RAG1: variants seen among roughly 807,000 people sequenced by gnomAD.
The protein encoded by RAG1 is V(D)J recombination-activating protein 1.
A neutral mutation model predicts 62.7 loss-of-function variants in RAG1; 35 were observed. The observed-to-expected ratio is 0.56, with a 90% CI of 0.43 to 0.74. The LOEUF is 0.74. Among genes scored for constraint, RAG1 ranks in the 30% least tolerant of loss-of-function variants. The probability of loss-of-function intolerance (pLI) is 0.00; values close to 1 mark genes in which losing one functional copy is unlikely to be tolerated. For synonymous variants in RAG1, 461 were observed against 470.3 expected, an observed-to-expected ratio of 0.98 and a Z score of 0.26; for missense variants, 1,169 against 1,278.6, an observed-to-expected ratio of 0.91 and a Z score of 1.31.
chr11:36,557,577 C>A (rs545836842), intron 3 of RAG1, among the ~76,000 whole-genome samples: 1 of 152,018 alleles, frequency 6.6e-6, no homozygotes, highest in African/African-American at 2.4e-5. Context: ...TCTTCTGCGT[C>A]GCTCACGCTG....
At chr11:36,568,986 GATA>G (rs1408886535) in intron 1 of RAG1, among the ~76,000 whole-genome samples, 1 of 152,190 alleles carries the variant, frequency 6.6e-6, no homozygotes, top group Non-Finnish European at 1.5e-5. Flanking sequence ...GAACAGGTGT[GATA>G]ATGAGAGGTC....
rs1850836020 is a variant in RAG1 at position 36,575,729 on chromosome 11, A to G, written c.2425A>G (p.Lys809Glu). ...CATTGGCAATGCAGCTGAGTTCTAC[A>G]AGATCTTCCAGCTAGAGATAGGGGA... ...CDIGNAAEFY[K>E]IFQLEIGEVY... Residue 809 changes from lysine (K) to glutamate (E), a missense_variant, in exon 2 of 2, where the codon AAG becomes GAG. Coordinates refer to ENST00000299440, the MANE Select transcript of RAG1 (RefSeq NM_000448.3). This position sits in a 1 kb window ranked among gnomAD's most constrained non-coding sequence, Gnocchi z 4.1. The G allele has an allele frequency of 6.2e-7, 1 of 1,614,208 alleles. No individual in the cohort carries two copies. Among genetic ancestry groups the G allele is most frequent in the Non-Finnish European group, 8.5e-7 (1 of 1,180,028 alleles).
intron 2 of RAG1, among the ~76,000 whole-genome samples, chr11:36,529,019 A>C (rs1488378910): frequency 6.6e-6 from 1 of 152,078 alleles, no homozygotes; most frequent in Non-Finnish European, 1.5e-5. Context: ...TCAACCAAAA[A>C]AGTCCAGGAC....
chr11:36,575,616 C>G lies in RAG1; in HGVS notation c.2312C>G (p.Ser771Cys). The G allele has an allele frequency of 6.2e-7, 1 of 1,614,218 alleles. No homozygotes were observed. The highest frequency in any genetic ancestry group is 2.2e-5 in the East Asian group (1 of 44,882). ...TGGCGTTCCAACCCTTACCATGAGT[C>G]TGTGGAAGAACTGCGGGATCGGGTG... ...EVWRSNPYHE[S>C]VEELRDRVKG... is the part of the protein sequence containing the mutation. Residue 771 changes from serine to cysteine, a missense_variant, in exon 2 of 2, where the codon TCT becomes TGT. By Grantham distance (112) the Ser-to-Cys change is moderately radical. This residue lies in a region of RAG1 where 800 missense variants were observed against 943.3 expected (regional missense o/e 0.85). Coordinates refer to ENST00000299440, the MANE Select transcript of RAG1 (RefSeq NM_000448.3). This position sits in a 1 kb window ranked among gnomAD's most constrained non-coding sequence, Gnocchi z 4.1.
In RAG1 at chr11:36,575,003, G is replaced by T. The variant is rs755218369; in HGVS notation, c.1699G>T (p.Val567Leu). ...AKRFRYDSAL[V>L]SALMDMEEDI... is the part of the protein sequence containing the mutation. ...GAGGTTCCGCTATGATTCAGCTTTG[G>T]TGTCTGCTTTGATGGACATGGAAGA... is the stretch of plus-strand genomic sequence containing the variant. Residue 567 changes from valine (V) to leucine (L), a missense_variant, in exon 2 of 2, where the codon GTG becomes TTG. Transcript: ENST00000299440. This position sits in a 1 kb window ranked among gnomAD's most constrained non-coding sequence, Gnocchi z 4.1. 6.2e-7 allele frequency: 1 copy of T among 1,614,114 alleles called. No homozygotes were observed. Among genetic ancestry groups the T allele is most frequent in the Admixed American group, 1.7e-5 (1 of 60,006 alleles).
chr11:36,522,952 C>G (rs914738633), intron 2 of RAG1, among the ~76,000 whole-genome samples: 13 of 152,230 alleles, frequency 8.5e-5, no homozygotes, highest in Non-Finnish European at 1.3e-4. Context: ...TACCCAATGA[C>G]TGTACCCCCA....
At position 36,574,438 on chromosome 11, in the gene RAG1, TC is replaced by T; in HGVS notation, c.1135del (p.His379ThrfsTer24). Reference protein sequence around the residue: ...LEKYNHHISSHKESKEIFVHI... With the variant: ...LEKYNHHISSXKESKEIFVHI... ...AAAAATATAATCACCACATCTCAAG[TC>T]ACAAGGAATCAAAAGAGATTTTTGT... On this transcript the variant is annotated frameshift_variant, in exon 2 of 2. Coordinates refer to ENST00000299440, the MANE Select transcript of RAG1 (RefSeq NM_000448.3). LOFTEE classifies it high-confidence loss of function. 1 of 1,614,146 alleles carries T rather than the reference TC, an allele frequency of 6.2e-7. No individual in the cohort carries two copies. The highest frequency in any genetic ancestry group is 8.5e-7 in the Non-Finnish European group (1 of 1,180,022).
chr11:36,526,541 T>A (rs879158700), intron 2 of RAG1, among the ~76,000 whole-genome samples: 1 of 152,172 alleles, frequency 6.6e-6, no homozygotes, highest in Non-Finnish European at 1.5e-5. Context: ...ACAATAAACA[T>A]ACGTGTGCAT....
chr11:36,576,570 C>G lies in RAG1; in HGVS notation c.*134C>G, dbSNP rs1162575850. 2 of 1,034,178 alleles carry G rather than the reference C, an allele frequency of 1.9e-6. No individual in the cohort carries two copies. Among genetic ancestry groups the G allele is most frequent in the Admixed American group, 2.1e-5 (1 of 47,868 alleles). The allele number at this position is 1,034,178 out of a possible 1,614,324, so 64.1% of individuals were successfully genotyped here. A position where few individuals can be genotyped will look rare whatever the true frequency, so the allele number is the denominator to read the frequency against. On this transcript the variant is annotated 3_prime_UTR_variant, in exon 2 of 2. Transcript: ENST00000299440. ...AGAGGTGGTAGGTTGGAGTAAGATG[C>G]TACAGATGCTCTCAAGTCAGGAATA... is the stretch of plus-strand genomic sequence containing the variant.
At chr11:36,516,458 A>G (rs1278441770) in intron 1 of RAG1, among the ~76,000 whole-genome samples, 2 of 152,230 alleles carry the variant, frequency 1.3e-5, no homozygotes. Context: ...AGTAGCTGGG[A>G]CTACAGGCGC....
chr11:36,523,419 T>G (rs760492589), intron 2 of RAG1, among the ~76,000 whole-genome samples: 4 of 152,206 alleles, frequency 2.6e-5, no homozygotes, highest in Non-Finnish European at 1.5e-5. Flanking sequence ...ACCATGATCA[T>G]GAGGCCTCCC....
chr11:36,558,649 T>C (rs2133278312), intron 3 of RAG1, among the ~76,000 whole-genome samples: 1 of 152,344 alleles, frequency 6.6e-6, no homozygotes, highest in South Asian at 2.1e-4. Flanking sequence ...TTTTCATCTA[T>C]GTGTGTCTTT....
chr11:36,561,839 C>T (rs893792726), intron 3 of RAG1, among the ~76,000 whole-genome samples: 2 of 152,164 alleles, frequency 1.3e-5, no homozygotes, highest in African/African-American at 4.8e-5. Flanking sequence ...TTGTGTGAGC[C>T]AATTCCTCAT....
chr11:36,534,533 G>T (rs896759906), intron 2 of RAG1, among the ~76,000 whole-genome samples: 1 of 152,188 alleles, frequency 6.6e-6, no homozygotes, highest in Non-Finnish European at 1.5e-5. Flanking sequence ...TGCCATACTG[G>T]ATATTTTCCA....
At chr11:36,542,825 A>T (rs1850329154) in intron 3 of RAG1, among the ~76,000 whole-genome samples, 3 of 152,188 alleles carry the variant, frequency 2.0e-5, no homozygotes, top group South Asian at 4.1e-4. Context: ...TCACATAATT[A>T]TTGCTCTATA....
At chr11:36,538,890 G>C (rs1860372239), downstream of RAG1, among the ~76,000 whole-genome samples, 1 of 152,092 alleles carries the variant, frequency 6.6e-6, no homozygotes. Flanking sequence ...CCTGTCCATG[G>C]GGCTGTCCTG....
chr11:36,537,550 CCTTAT>C (rs746315676), downstream of RAG1, among the ~76,000 whole-genome samples: 6 of 151,988 alleles, frequency 3.9e-5, no homozygotes, highest in Admixed American at 6.5e-5. Context: ...TATCATACTT[CCTTAT>C]CTTTGTGCTT....
In RAG1 at chr11:36,548,358, T is replaced by C. The variant is rs540352748; in HGVS notation, c.-412+12324T>C. 2.0e-4 allele frequency among the ~76,000 whole-genome samples: 30 copies of C among 152,328 alleles called. No individual in the cohort carries two copies. In the South Asian group the frequency reaches 3.7e-3, roughly 19 times the overall value. ...TTGTCTCTGTTTGCAGATGACATGA[T>C]TGTACATTTAGAAAACTCCGTCTCA... On this transcript the variant is annotated intron_variant and NMD_transcript_variant, in intron 3 of 9. Coordinates refer to the RAG1 transcript ENST00000534663.
chr11:36,526,734 C>A (rs558133375), intron 2 of RAG1, among the ~76,000 whole-genome samples: 1 of 152,320 alleles, frequency 6.6e-6, no homozygotes, highest in South Asian at 2.1e-4. Flanking sequence ...CAAATCCTCT[C>A]CAGCATCTGT....
Sources: allele counts gnomAD v4.1 joint callset (sites outside exome capture counted in the v4.1 genomes callset), GRCh38; gene constraint gnomAD v4.1.1; regional missense constraint gnomAD v4.1.1; non-coding constraint Gnocchi (gnomAD v3.1); transcripts MANE v1.5; gene names NCBI Gene and HGNC (gene_info 2026-07-23, HGNC 2026-07-21).